The following PAK1 variants were observed in gnomAD, a reference collection of about 807,000 sequenced individuals.
The protein encoded by PAK1 is p21 (RAC1) activated kinase 1.
A neutral mutation model predicts 67.4 loss-of-function variants in PAK1; 29 were observed. The observed-to-expected ratio is 0.43, with a 90% CI of 0.32 to 0.59. The LOEUF (loss-of-function observed/expected upper bound fraction) is 0.59, where lower values mean the gene tolerates loss of function less well. Among genes scored for constraint, PAK1 ranks in the 20% least tolerant of loss-of-function variants. The pLI, the probability that PAK1 is intolerant of heterozygous loss-of-function variation, is 0.07. For synonymous variants in PAK1, 223 were observed against 237.4 expected (o/e 0.94, Z 0.56); for missense variants, 337 against 670.7 (o/e 0.50, Z 5.50).
intron 1 of PAK1, among the ~76,000 whole-genome samples, chr11:77,435,918 T>C (rs1230885505): frequency 6.6e-6 from 1 of 152,162 alleles, no homozygotes; most frequent in African/African-American, 2.4e-5. Flanking sequence ...TGTGTGTTTT[T>C]CCAACAAACT....
At chr11:77,523,820 T>A in the PAK1 span, among the ~76,000 whole-genome samples, 37 of 152,132 alleles carry the variant, frequency 2.4e-4, no homozygotes, top group Admixed American at 2.4e-3. Flanking sequence ...GAAGTGGCAA[T>A]GGAAGTGTTA....
Position 77,380,427 on chromosome 11 carries a change from A to G in PAK1, c.191-433T>C, listed in dbSNP as rs138091379. ...AGGATCATTTGAGCCCAGGATGTAG[A>G]GGTTGCAGTGAGCTGAGATCACGCC... On this transcript the variant is annotated intron_variant, in intron 2 of 14. Transcript: ENST00000356341. Among the ~76,000 whole-genome samples the G allele has an allele frequency of 3.2e-3, 480 of 152,306 alleles. 4 individuals are homozygous for G. Among genetic ancestry groups the G allele is most frequent in the African/African-American group, 0.011 (448 of 41,556 alleles).
At chr11:77,466,935 G>A (rs1197918933) in intron 1 of PAK1, among the ~76,000 whole-genome samples, 2 of 152,190 alleles carry the variant, frequency 1.3e-5, no homozygotes, top group African/African-American at 4.8e-5. Context: ...CCAGGGGATT[G>A]TCCAAAGAAT....
At chr11:77,426,954 CG>C (rs1955580678) in intron 1 of PAK1, among the ~76,000 whole-genome samples, 1 of 152,056 alleles carries the variant, frequency 6.6e-6, no homozygotes, top group South Asian at 2.1e-4. Context: ...GACAAAGCCC[CG>C]GAAGAATGAA....
intron 13 of PAK1, among the ~76,000 whole-genome samples, chr11:77,334,586 G>A (rs1411640164): frequency 2.0e-5 from 3 of 152,050 alleles, no homozygotes; most frequent in East Asian, 3.9e-4. Context: ...CTGTTACAAG[G>A]GATAAATTGT....
chr11:77,519,590 T>C, the PAK1 span, among the ~76,000 whole-genome samples: 2 of 152,220 alleles, frequency 1.3e-5, no homozygotes, highest in Non-Finnish European at 2.9e-5. Flanking sequence ...GCTTTTAATC[T>C]AATTCTTTCA....
At chr11:77,446,152 C>T (rs1956589058) in intron 1 of PAK1, among the ~76,000 whole-genome samples, 1 of 152,124 alleles carries the variant, frequency 6.6e-6, no homozygotes, top group Non-Finnish European at 1.5e-5. Context: ...ATTTGTTGTT[C>T]ATGATATTAA....
At chr11:77,407,911 C>G (rs1041891602) in intron 1 of PAK1, among the ~76,000 whole-genome samples, 12 of 152,114 alleles carry the variant, frequency 7.9e-5, no homozygotes, top group African/African-American at 2.9e-4. Context: ...TGGGATTGTT[C>G]TTTTTTTCAT....
At chr11:77,520,212 T>A in the PAK1 span, among the ~76,000 whole-genome samples, 9 of 152,150 alleles carry the variant, frequency 5.9e-5, no homozygotes, top group Admixed American at 2.6e-4. Flanking sequence ...TCTTACTGCA[T>A]TAGAATAAGG....
At chr11:77,450,945 TCTGA>T (rs1415281479) in intron 1 of PAK1, among the ~76,000 whole-genome samples, 2 of 148,796 alleles carry the variant, frequency 1.3e-5, no homozygotes, top group East Asian at 3.9e-4. Flanking sequence ...AGAATGGAAA[TCTGA>T]CTAACAGCAA....
intron 1 of PAK1, among the ~76,000 whole-genome samples, chr11:77,451,146 T>G (rs1272088704): frequency 1.3e-5 from 2 of 152,218 alleles, no homozygotes; most frequent in African/African-American, 4.8e-5. Context: ...AGCCACCACT[T>G]TGATTCTTTA....
In PAK1 at chr11:77,355,836, T is replaced by C; in HGVS notation, c.604A>G (p.Thr202Ala). ...GGAAGTGGTTCAATCACAGACCGTG[T>C]GTATACCTGCATTATTAGTGCAAAA... ...PRPEHTKSVY[T>A]RSVIEPLPVT... Residue 202 changes from threonine (T) to alanine (A), a missense_variant, in exon 7 of 15, where the codon ACA becomes GCA. Around this residue, in one of 8 missense-constraint regions of PAK1, gnomAD observed 150 missense variants for 179.0 expected, o/e 0.84. Transcript: ENST00000356341. 6.2e-7 allele frequency: 1 copy of C among 1,613,240 alleles called. No homozygotes were observed. Among genetic ancestry groups the C allele is most frequent in the Non-Finnish European group, 8.5e-7 (1 of 1,179,436 alleles).
chr11:77,406,244 A>G (rs910522075), intron 1 of PAK1, among the ~76,000 whole-genome samples: 17 of 152,220 alleles, frequency 1.1e-4, no homozygotes, highest in African/African-American at 4.1e-4. Context: ...AGCTTTCTTC[A>G]GCCTAAAAAC....
Position 77,396,152 on chromosome 11 carries a change from T to C in PAK1, c.-21-3611A>G, listed in dbSNP as rs374078269. 7.5e-4 allele frequency among the ~76,000 whole-genome samples: 114 copies of C among 152,364 alleles called. 2 individuals carry two copies. In the South Asian group the frequency reaches 0.023, roughly 30 times the overall value. On this transcript the variant is annotated intron_variant, in intron 1 of 14. Transcript: ENST00000356341. ...TCTCCATTTCTCAGTCCTTTTACTA[T>C]GTTTGGAGAATTCTGTGATAGATCT... is the stretch of plus-strand genomic sequence containing the variant.
chr11:77,489,480 G>A, the PAK1 span, among the ~76,000 whole-genome samples: 28 of 148,072 alleles, frequency 1.9e-4, no homozygotes, highest in South Asian at 1.3e-3. Context: ...CTCTTTCCAC[G>A]GTCTCCCTCT....
At chr11:77,355,176 A>T (rs139073400) in intron 7 of PAK1, among the ~76,000 whole-genome samples, 1,608 of 152,026 alleles carry the variant, frequency 0.011, 35 homozygotes, top group African/African-American at 0.036. Context: ...AATTAAATTT[A>T]AAAAAAATCA....
chr11:77,360,578 C>T (rs1218214139), intron 5 of PAK1, among the ~76,000 whole-genome samples: 1 of 152,156 alleles, frequency 6.6e-6, no homozygotes, highest in African/African-American at 2.4e-5. Context: ...CCTGGAGCTC[C>T]CCTGATGTAT....
chr11:77,495,059 G>T, the PAK1 span, among the ~76,000 whole-genome samples: 1 of 152,024 alleles, frequency 6.6e-6, no homozygotes, highest in Non-Finnish European at 1.5e-5. Context: ...CTACTTGGGA[G>T]GCTGAGGCAG....
chr11:77,387,379 T>A (rs541203584), intron 2 of PAK1, among the ~76,000 whole-genome samples: 2 of 152,342 alleles, frequency 1.3e-5, no homozygotes, highest in African/African-American at 4.8e-5. Flanking sequence ...CCGCCCTGTA[T>A]TTTTTAAAAG....
Sources: allele counts gnomAD v4.1 joint callset (sites outside exome capture counted in the v4.1 genomes callset), GRCh38; gene constraint gnomAD v4.1.1; regional missense constraint gnomAD v4.1.1; transcripts MANE v1.5; gene names NCBI Gene and HGNC (gene_info 2026-07-23, HGNC 2026-07-21).